Variants in INPP4B observed in about 807,000 individuals in gnomAD.
INPP4B encodes inositol polyphosphate 4-phosphatase type II.
INPP4B carries 55 observed loss-of-function variants against 122.5 expected under a neutral mutation model. The ratio of observed to expected loss-of-function variants is 0.45; its 90% CI spans 0.36 to 0.56. INPP4B has a LOEUF of 0.56. Among genes scored for constraint, INPP4B ranks in the 20% least tolerant of loss-of-function variants. INPP4B has a pLI of 0.00. For synonymous variants in INPP4B, 403 were observed against 388.7 expected (o/e 1.04, Z -0.43); for missense variants, 1,000 against 1,097.7 (o/e 0.91, Z 1.26).
intron 9 of INPP4B, among the ~76,000 whole-genome samples, chr4:142,274,070 G>GA (rs574290863): frequency 1.3e-5 from 2 of 151,418 alleles, no homozygotes; most frequent in East Asian, 1.9e-4. Flanking sequence ...AAAGATTTAG[G>GA]AAAAAAAATT....
chr4:142,232,071 C>T (rs533300738), intron 12 of INPP4B, among the ~76,000 whole-genome samples: 1 of 152,232 alleles, frequency 6.6e-6, no homozygotes, highest in East Asian at 1.9e-4. Context: ...GGACAGAGAT[C>T]ACATGCCTTG....
intron 9 of INPP4B, among the ~76,000 whole-genome samples, chr4:142,290,669 C>A (rs547320036): frequency 7.2e-5 from 11 of 152,244 alleles, no homozygotes; most frequent in African/African-American, 2.6e-4. Context: ...TGCCACTTCC[C>A]AACTGATGTC....
At chr4:142,843,089 C>T (rs182727389) in intron 1 of INPP4B, among the ~76,000 whole-genome samples, 5 of 150,524 alleles carry the variant, frequency 3.3e-5, no homozygotes, top group African/African-American at 1.2e-4. Context: ...GTGCCTGAGA[C>T]TGAAAGAGTA....
intron 22 of INPP4B, among the ~76,000 whole-genome samples, chr4:142,112,091 T>C (rs1790480848): frequency 6.6e-6 from 1 of 152,140 alleles, no homozygotes; most frequent in African/African-American, 2.4e-5. Flanking sequence ...GTACAATCAT[T>C]TGCTGACTGA....
chr4:142,711,467 T>C lies in INPP4B; in HGVS notation c.-191+14372A>G, dbSNP rs185002156. Among the ~76,000 whole-genome samples, 110 of 147,726 alleles carry C rather than the reference T, an allele frequency of 7.4e-4. No homozygotes were observed. The Middle Eastern group carries it at 0.018, about 24-fold the overall frequency. On this transcript the variant is annotated intron_variant, in intron 2 of 25. Transcript: ENST00000262992. ...GAATCAGTGGCCCATAGAAAAAGACTAATAATATTTATTAAAAGAATGAGT... is the reference window on the plus strand; with the variant it reads ...GAATCAGTGGCCCATAGAAAAAGACCAATAATATTTATTAAAAGAATGAGT...
At chr4:142,615,166 ATGAC>A (rs753576383) in intron 2 of INPP4B, among the ~76,000 whole-genome samples, 68 of 152,268 alleles carry the variant, frequency 4.5e-4, no homozygotes, top group Non-Finnish European at 6.9e-4. Context: ...CTGAGTCAGT[ATGAC>A]TGACTATGTA....
At chr4:142,567,675 T>C (rs373877462) in intron 2 of INPP4B, among the ~76,000 whole-genome samples, 10 of 152,136 alleles carry the variant, frequency 6.6e-5, no homozygotes, top group African/African-American at 1.9e-4. Flanking sequence ...TATATACATA[T>C]GGGAAAAGGT....
At chr4:142,179,100 TG>T (rs1199531528) in intron 15 of INPP4B, among the ~76,000 whole-genome samples, 1 of 152,148 alleles carries the variant, frequency 6.6e-6, no homozygotes, top group Non-Finnish European at 1.5e-5. Flanking sequence ...TTACCTCTTT[TG>T]GATTTCACTT....
chr4:142,195,680 C>T (rs58375747), intron 14 of INPP4B, among the ~76,000 whole-genome samples: 7,638 of 152,158 alleles, frequency 0.05, 419 homozygotes, highest in East Asian at 0.2. Context: ...TCAACTTCCC[C>T]CAAAACATTG....
chr4:142,303,498 G>A (rs1240348930), intron 9 of INPP4B, among the ~76,000 whole-genome samples: 1 of 152,046 alleles, frequency 6.6e-6, no homozygotes, highest in Non-Finnish European at 1.5e-5. Context: ...GCTGACCTAA[G>A]GCTCTTCTAA....
intron 2 of INPP4B, among the ~76,000 whole-genome samples, chr4:142,513,322 TA>T: frequency 6.6e-6 from 1 of 152,178 alleles, no homozygotes; most frequent in Non-Finnish European, 1.5e-5. Flanking sequence ...GGGAAGTACA[TA>T]ATCAAAGTGC....
In INPP4B at chr4:142,653,737, T is replaced by C. The variant is rs554899532; in HGVS notation, c.-191+72102A>G. Reference sequence around the variant, plus strand: ...AGGAAACAACAGGTGCTGGAAAGGATGTGGAGAAATAGGAATGCTTTTACA... The same window carrying C: ...AGGAAACAACAGGTGCTGGAAAGGACGTGGAGAAATAGGAATGCTTTTACA... On this transcript the variant is annotated intron_variant, in intron 2 of 25. Transcript: ENST00000262992. Among the ~76,000 whole-genome samples, 5 of 152,236 alleles carry C rather than the reference T, an allele frequency of 3.3e-5. No homozygotes were observed. The East Asian group carries it at 9.7e-4, about 29-fold the overall frequency.
intron 1 of INPP4B, among the ~76,000 whole-genome samples, chr4:142,735,728 G>A (rs547998509): frequency 1.6e-4 from 25 of 152,084 alleles, no homozygotes; most frequent in Non-Finnish European, 3.5e-4. Flanking sequence ...TTATTAGAAT[G>A]TATTCTTCTT....
chr4:142,708,279 C>A (rs556861983), intron 2 of INPP4B, among the ~76,000 whole-genome samples: 1 of 152,294 alleles, frequency 6.6e-6, no homozygotes, highest in African/African-American at 2.4e-5. Flanking sequence ...TTTGCAGCCT[C>A]ACCATGTGGT....
intron 7 of INPP4B, among the ~76,000 whole-genome samples, chr4:142,387,722 T>TG (rs1796410859): frequency 6.6e-6 from 1 of 152,156 alleles, no homozygotes; most frequent in African/African-American, 2.4e-5. Flanking sequence ...TTTTGATTAA[T>TG]GGGAAAAAGG....
intron 2 of INPP4B, among the ~76,000 whole-genome samples, chr4:142,696,163 C>T (rs1357411292): frequency 1.3e-5 from 2 of 152,092 alleles, no homozygotes; most frequent in African/African-American, 4.8e-5. Context: ...ATGACACCAG[C>T]ATATTCGATG....
intron 16 of INPP4B, among the ~76,000 whole-genome samples, chr4:142,163,855 C>T (rs1821349832): frequency 6.6e-6 from 1 of 151,800 alleles, no homozygotes; most frequent in South Asian, 2.1e-4. Flanking sequence ...TGCCTACTGA[C>T]TGTTCTAAAA....
chr4:142,049,513 AG>A (rs1397898275), intron 25 of INPP4B, among the ~76,000 whole-genome samples: 1 of 152,052 alleles, frequency 6.6e-6, no homozygotes, highest in African/African-American at 2.4e-5. Flanking sequence ...AATACAAATA[AG>A]GTTGTTTTTT....
At chr4:142,277,203 T>C (rs1361060021) in intron 9 of INPP4B, among the ~76,000 whole-genome samples, 1 of 151,822 alleles carries the variant, frequency 6.6e-6, no homozygotes, top group Non-Finnish European at 1.5e-5. Context: ...CTTGCTGATT[T>C]GTTTGAGTTT....
Sources: allele counts gnomAD v4.1 joint callset (sites outside exome capture counted in the v4.1 genomes callset), GRCh38; gene constraint gnomAD v4.1.1; transcripts MANE v1.5; gene names NCBI Gene and HGNC (gene_info 2026-07-23, HGNC 2026-07-21).